KBTBD3: variants seen among roughly 807,000 people sequenced by gnomAD.
KBTBD3 encodes the protein kelch repeat and BTB domain containing 3, also known as kelch repeat and BTB domain-containing protein 3.
Under a neutral mutation model 49.6 loss-of-function variants are expected in KBTBD3, and 38 were observed. The ratio of observed to expected loss-of-function variants is 0.77; its 90% CI spans 0.59 to 1.00. The LOEUF (loss-of-function observed/expected upper bound fraction) is 1.00, where lower values mean the gene tolerates loss of function less well. Among genes scored for constraint, KBTBD3 ranks in the 50% least tolerant of loss-of-function variants. KBTBD3 has a pLI of 0.00. For missense variants in KBTBD3, 661 were observed against 712.0 expected (o/e 0.93, Z 0.81); for synonymous variants, 214 against 250.4 (o/e 0.85, Z 1.37).
intron 2 of KBTBD3, among the ~76,000 whole-genome samples, chr11:106,072,845 G>A (rs912866013): frequency 1.3e-5 from 2 of 152,094 alleles, no homozygotes; most frequent in East Asian, 3.8e-4. Context: ...ACCGAATTAG[G>A]CACTAGAGAT....
At position 106,053,959 on chromosome 11, in the gene KBTBD3, G is replaced by A; in HGVS notation, c.730C>T (p.His244Tyr). The change falls in exon 4 of 4, where the codon CAT (histidine) becomes TAT (tyrosine). Residue 244 changes from histidine (H) to tyrosine (Y), a missense_variant. His to Tyr is a moderately conservative substitution (Grantham distance 83, BLOSUM62 2). Transcript: ENST00000531837. ...TGAAGTGTCTCCTCAGATAACTGAT[G>A]TAATCTCACTTTTTCAATCAAATGA... ...LPHLIEKVRL[H>Y]QLSEETLQDC... 1.2e-6 allele frequency: 2 copies of A among 1,613,900 alleles called. No homozygotes were observed. The highest frequency in any genetic ancestry group is 1.7e-6 in the Non-Finnish European group (2 of 1,179,926).
At chr11:106,075,656 A>G (rs1346600843) in intron 2 of KBTBD3, 2 of 152,222 alleles carry the variant, frequency 1.3e-5, no homozygotes, top group African/African-American at 2.4e-5. Context: ...AGGGGATTAA[A>G]CAAACCTATA....
intron 2 of KBTBD3, among the ~76,000 whole-genome samples, chr11:106,074,119 C>CT (rs556246889): frequency 1.1e-5 from 1 of 88,680 alleles, no homozygotes; most frequent in Non-Finnish European, 3.4e-5. Flanking sequence ...AACACCCCCC[C>CT]CCACACACAT....
intron 2 of KBTBD3, among the ~76,000 whole-genome samples, chr11:106,067,980 A>G (rs1860840741): frequency 6.6e-6 from 1 of 152,180 alleles, no homozygotes; most frequent in African/African-American, 2.4e-5. Flanking sequence ...ATGGCAATAT[A>G]ATTACAAGAT....
At chr11:106,058,240 C>T (rs950108334) in intron 3 of KBTBD3, among the ~76,000 whole-genome samples, 2 of 151,710 alleles carry the variant, frequency 1.3e-5, no homozygotes, top group Non-Finnish European at 2.9e-5. Context: ...AAAAATTAGC[C>T]GGGTGTGGTG....
chr11:106,062,674 G>A (rs1160781071), intron 2 of KBTBD3, among the ~76,000 whole-genome samples: 2 of 152,100 alleles, frequency 1.3e-5, no homozygotes, highest in East Asian at 3.9e-4. Context: ...TGCTTTACTT[G>A]GTCTCCTGAT....
intron 3 of KBTBD3, among the ~76,000 whole-genome samples, chr11:106,056,318 A>G (rs1370649592): frequency 6.6e-6 from 1 of 152,224 alleles, no homozygotes; most frequent in Non-Finnish European, 1.5e-5. Flanking sequence ...AACTTTAAAA[A>G]TACATTGTTC....
In KBTBD3 at chr11:106,054,240, T is replaced by C. The variant is rs553834164; in HGVS notation, c.449A>G (p.Asn150Ser). The change falls in exon 4 of 4, where the codon AAT becomes AGT. Residue 150 changes from asparagine (N) to serine (S), a missense_variant. Coordinates refer to ENST00000531837, the MANE Select transcript of KBTBD3 (RefSeq NM_198439.3). ...ACSDFLIKSI[N>S]LVNCLQLLSI... is the part of the protein sequence containing the mutation. ...TAATAACTGTAAACAATTGACAAGA[T>C]TAATACTTTTTATTAAAAAGTCACT... is the stretch of plus-strand genomic sequence containing the variant. 1.1e-5 allele frequency: 17 copies of C among 1,611,658 alleles called. No homozygotes were observed. Among genetic ancestry groups the C allele is most frequent in the Non-Finnish European group, 1.4e-5 (16 of 1,178,762 alleles).
At chr11:106,066,406 ACAGCAAAT>A (rs1860811714) in intron 2 of KBTBD3, among the ~76,000 whole-genome samples, 1 of 152,222 alleles carries the variant, frequency 6.6e-6, no homozygotes, top group African/African-American at 2.4e-5. Context: ...ACTTTTTCAA[ACAGCAAAT>A]TGAGGCTCAG....
chr11:106,065,998 G>C (rs953120139), intron 2 of KBTBD3, among the ~76,000 whole-genome samples: 1 of 151,470 alleles, frequency 6.6e-6, no homozygotes, highest in Non-Finnish European at 1.5e-5. Context: ...GTGGGGCCTA[G>C]AGGAGCATGT....
chr11:106,075,296 A>G (rs1247509610), intron 2 of KBTBD3, among the ~76,000 whole-genome samples: 1 of 152,238 alleles, frequency 6.6e-6, no homozygotes, highest in Non-Finnish European at 1.5e-5. Flanking sequence ...TGAACTGCAT[A>G]TTTATATTTC....
At position 106,060,586 on chromosome 11, in the gene KBTBD3, T is replaced by C. The variant is rs112469554; in HGVS notation, c.-12-1477A>G. On this transcript the variant is annotated intron_variant, in intron 2 of 3. Coordinates refer to ENST00000531837, the MANE Select transcript of KBTBD3 (RefSeq NM_198439.3). ...AATGGCCCTGGGAAAACTGGCTAGC[T>C]GTATGCAGAAAACTGAAACTGGACC... Among the ~76,000 whole-genome samples, 501 of 152,236 alleles carry C rather than the reference T, an allele frequency of 3.3e-3. 2 individuals are homozygous for C. The highest frequency in any genetic ancestry group is 0.011 in the African/African-American group (475 of 41,546).
chr11:106,063,592 G>T (rs1163167650), intron 2 of KBTBD3, among the ~76,000 whole-genome samples: 4 of 152,136 alleles, frequency 2.6e-5, no homozygotes, highest in African/African-American at 9.7e-5. Context: ...TTTGTAAACT[G>T]CAGATAAACT....
chr11:106,075,214 T>G (rs1400028522), intron 2 of KBTBD3, among the ~76,000 whole-genome samples: 1 of 152,220 alleles, frequency 6.6e-6, no homozygotes, highest in Non-Finnish European at 1.5e-5. Flanking sequence ...AGTCCTCTTC[T>G]TCCCCTGACC....
At chr11:106,063,956 T>G (rs1860755531) in intron 2 of KBTBD3, among the ~76,000 whole-genome samples, 2 of 152,008 alleles carry the variant, frequency 1.3e-5, no homozygotes, top group Non-Finnish European at 2.9e-5. Flanking sequence ...TAGCATATAA[T>G]GTGTGTAAAA....
chr11:106,055,565 T>C (rs935556693), intron 3 of KBTBD3, among the ~76,000 whole-genome samples: 2 of 152,216 alleles, frequency 1.3e-5, no homozygotes, highest in African/African-American at 4.8e-5. Context: ...ATATGGATTA[T>C]TAAGACACCT....
chr11:106,063,668 T>G (rs1860748879), intron 2 of KBTBD3, among the ~76,000 whole-genome samples: 1 of 152,208 alleles, frequency 6.6e-6, no homozygotes, highest in South Asian at 2.1e-4. Context: ...TGCAGTGGCT[T>G]ATGCCTGTAA....
intron 2 of KBTBD3, among the ~76,000 whole-genome samples, chr11:106,061,690 A>C (rs1211559936): frequency 6.6e-6 from 1 of 151,738 alleles, no homozygotes; most frequent in Non-Finnish European, 1.5e-5. Context: ...CAGCTCTCCT[A>C]AGTCTCCTGC....
intron 2 of KBTBD3, among the ~76,000 whole-genome samples, chr11:106,062,960 T>C (rs989704694): frequency 6.6e-6 from 1 of 152,266 alleles, no homozygotes; most frequent in East Asian, 1.9e-4. Context: ...TAAGACTGTT[T>C]TTAAAATTAT....
Sources: allele counts gnomAD v4.1 joint callset (sites outside exome capture counted in the v4.1 genomes callset), GRCh38; gene constraint gnomAD v4.1.1; transcripts MANE v1.5; gene names NCBI Gene and HGNC (gene_info 2026-07-23, HGNC 2026-07-21).